The following APBB2 variants were observed in gnomAD, a reference collection of about 807,000 sequenced individuals.
APBB2 encodes the protein amyloid beta precursor protein binding family B member 2, also known as Fe65-like 1.
In APBB2, 38 loss-of-function variants were observed where a neutral mutation model predicts 82.5. The ratio of observed to expected loss-of-function variants is 0.46; its 90% CI spans 0.36 to 0.60. The LOEUF is 0.60. Ranked by LOEUF, APBB2 falls within the 20% of genes least tolerant of loss-of-function variation. APBB2 has a pLI of 0.00. For missense variants in APBB2, 772 were observed against 972.3 expected (o/e 0.79, Z 2.74); for synonymous variants, 341 against 368.2 (o/e 0.93, Z 0.85).
At chr4:41,051,481 C>T (rs1725914902) in intron 4 of APBB2, among the ~76,000 whole-genome samples, 1 of 152,226 alleles carries the variant, frequency 6.6e-6, no homozygotes, top group African/African-American at 2.4e-5. Flanking sequence ...ACCAAATCTT[C>T]TCTCAACTTC....
At position 40,815,157 on chromosome 4, in the gene APBB2, T is replaced by C. The variant is rs1466791733; in HGVS notation, c.*935A>G. The C allele has an allele frequency of 6.6e-6, 1 of 152,630 alleles. No individual in the cohort carries two copies. The highest frequency in any genetic ancestry group is 1.9e-4 in the East Asian group (1 of 5,198). 9.5% of individuals were successfully genotyped at this position (152,630 alleles called of 1,614,324 possible). ...GTGCATGATAGAAATATCAATGATA[T>C]TTCCTCAACTTCAAATTGCATATCA... On this transcript the variant is annotated 3_prime_UTR_variant, in exon 18 of 18. Transcript: ENST00000508593.
Position 41,116,090 on chromosome 4 carries a change from T to C in APBB2, c.-260-15340A>G, listed in dbSNP as rs559397502. ...AAATGCCCATCAATGATAGACTGGA[T>C]AAAGCAAATGTGGCACATATACACC... On this transcript the variant is annotated intron_variant, in intron 2 of 17. Coordinates refer to ENST00000508593, the MANE Select transcript of APBB2 (RefSeq NM_004307.2). 2.0e-5 allele frequency among the ~76,000 whole-genome samples: 3 copies of C among 152,190 alleles called. No homozygotes were observed. The South Asian group carries it at 6.2e-4, about 32-fold the overall frequency.
intron 6 of APBB2, among the ~76,000 whole-genome samples, chr4:40,986,018 C>T (rs1385600195): frequency 1.3e-5 from 2 of 152,090 alleles, no homozygotes; most frequent in East Asian, 3.8e-4. Context: ...TGTAAGGGCT[C>T]CTAGTTCTAT....
chr4:40,953,609 A>T (rs1006953875), intron 6 of APBB2, among the ~76,000 whole-genome samples: 18 of 152,128 alleles, frequency 1.2e-4, no homozygotes, highest in African/African-American at 4.3e-4. Context: ...TGCTCCAGTA[A>T]ATCCAGGCCA....
At chr4:41,004,995 G>C (rs1560504120) in intron 6 of APBB2, among the ~76,000 whole-genome samples, 3 of 152,128 alleles carry the variant, frequency 2.0e-5, no homozygotes, top group Admixed American at 6.5e-5. Context: ...AAAAATCATG[G>C]TAAAGTTACA....
intron 6 of APBB2, among the ~76,000 whole-genome samples, chr4:40,974,077 C>T (rs1437869484): frequency 2.0e-5 from 3 of 151,916 alleles, no homozygotes; most frequent in East Asian, 3.9e-4. Flanking sequence ...TGGTCTCGAA[C>T]TCCTGACCTT....
intron 5 of APBB2, among the ~76,000 whole-genome samples, chr4:41,017,234 GT>G (rs1810245356): frequency 6.6e-6 from 1 of 152,136 alleles, no homozygotes; most frequent in Non-Finnish European, 1.5e-5. Context: ...CCTGAACACA[GT>G]TTGAGTAATA....
chr4:41,133,738 C>T (rs1756745816), intron 2 of APBB2, among the ~76,000 whole-genome samples: 1 of 152,142 alleles, frequency 6.6e-6, no homozygotes. Flanking sequence ...AGGTAAACAC[C>T]TTGGTCCCTC....
At chr4:41,026,053 T>C (rs556855427) in intron 5 of APBB2, among the ~76,000 whole-genome samples, 76 of 151,856 alleles carry the variant, frequency 5.0e-4, no homozygotes, top group Non-Finnish European at 9.1e-4. Context: ...GGAACATGAA[T>C]GGAGCTGGAG....
intron 4 of APBB2, among the ~76,000 whole-genome samples, chr4:41,049,655 G>A (rs1008992912): frequency 1.3e-4 from 20 of 152,292 alleles, no homozygotes; most frequent in Admixed American, 1.2e-3. Context: ...CATTGAGAAC[G>A]GGCCATGATG....
At chr4:41,064,359 A>C (rs1270431243) in intron 4 of APBB2, among the ~76,000 whole-genome samples, 1 of 152,170 alleles carries the variant, frequency 6.6e-6, no homozygotes, top group Non-Finnish European at 1.5e-5. Context: ...TAAAGAAAAA[A>C]ACTGAGCTGC....
intron 3 of APBB2, among the ~76,000 whole-genome samples, chr4:41,092,586 G>T (rs1225786031): frequency 6.6e-6 from 1 of 152,018 alleles, no homozygotes; most frequent in Non-Finnish European, 1.5e-5. Context: ...CTACTCGGGA[G>T]GCTGAGGCAG....
intron 3 of APBB2, among the ~76,000 whole-genome samples, chr4:41,075,105 C>A (rs1053392371): frequency 4.6e-5 from 7 of 152,150 alleles, no homozygotes; most frequent in African/African-American, 1.7e-4. Flanking sequence ...TGCACTCCAG[C>A]CTGGGCAACA....
chr4:41,214,235 C>A (rs1035898111), intron 1 of APBB2, among the ~76,000 whole-genome samples, 170 bp downstream of exon 1: 1 of 152,164 alleles, frequency 6.6e-6, no homozygotes, highest in Non-Finnish European at 1.5e-5. Context: ...GTGGCTGCGG[C>A]TGAGCGGGCA....
At chr4:41,123,146 T>C (rs1302456092) in intron 2 of APBB2, among the ~76,000 whole-genome samples, 2 of 152,080 alleles carry the variant, frequency 1.3e-5, no homozygotes, top group Non-Finnish European at 2.9e-5. Context: ...TTCCTGGTGC[T>C]TCTTCCCCCC....
intron 7 of APBB2, among the ~76,000 whole-genome samples, chr4:40,938,954 G>A (rs572258260): frequency 6.6e-6 from 1 of 152,162 alleles, no homozygotes; most frequent in Non-Finnish European, 1.5e-5. Flanking sequence ...TGGATTCATG[G>A]GTTATCATGA....
chr4:40,945,986 A>G (rs1287904175), intron 6 of APBB2, among the ~76,000 whole-genome samples: 1 of 152,166 alleles, frequency 6.6e-6, no homozygotes, highest in Admixed American at 6.5e-5. Context: ...TAATCCCAGC[A>G]ATTCGGGAGG....
chr4:40,876,805 T>C (rs74722171), intron 12 of APBB2, among the ~76,000 whole-genome samples: 4,732 of 152,344 alleles, frequency 0.031, 190 homozygotes, highest in African/African-American at 0.089. Context: ...AATCTGCAGA[T>C]ATAGAGGGCC....
intron 3 of APBB2, among the ~76,000 whole-genome samples, chr4:41,083,546 G>A (rs1474263420): frequency 6.6e-6 from 1 of 151,654 alleles, no homozygotes; most frequent in Non-Finnish European, 1.5e-5. Flanking sequence ...AAATTAGCCG[G>A]GCACGGTAGC....
Sources: allele counts gnomAD v4.1 joint callset (sites outside exome capture counted in the v4.1 genomes callset), GRCh38; gene constraint gnomAD v4.1.1; transcripts MANE v1.5; gene names NCBI Gene and HGNC (gene_info 2026-07-23, HGNC 2026-07-21).